The following SCN11A variants were observed in gnomAD, a reference collection of about 807,000 sequenced individuals.
The protein encoded by SCN11A is sodium voltage-gated channel alpha subunit 11.
Under a neutral mutation model 162.2 loss-of-function variants are expected in SCN11A, and 122 were observed. The observed-to-expected ratio is 0.75, with a 90% CI of 0.65 to 0.87. The LOEUF (loss-of-function observed/expected upper bound fraction) is 0.87, where lower values mean the gene tolerates loss of function less well. Ranked by LOEUF, SCN11A falls within the 40% of genes least tolerant of loss-of-function variation. The pLI, the probability that SCN11A is intolerant of heterozygous loss-of-function variation, is 0.00. For synonymous variants in SCN11A, 758 were observed against 751.5 expected (o/e 1.01, Z -0.14); for missense variants, 2,015 against 2,181.6 (o/e 0.92, Z 1.52).
Position 38,865,839 on chromosome 3 carries a change from CAAAT to C in SCN11A, c.3951+1478_3951+1481del, listed in dbSNP as rs149448920. ...AAAAGTGTGTAACCTCACTAATGAT[CAAAT>C]AAATAAATATAAAACAATGAGATAA... is the stretch of plus-strand genomic sequence containing the variant. On this transcript the variant is annotated intron_variant, in intron 27 of 29. Coordinates refer to ENST00000302328, the MANE Select transcript of SCN11A (RefSeq NM_001349253.2). Among the ~76,000 whole-genome samples the C allele has an allele frequency of 9.0e-3, 1,371 of 152,054 alleles. 27 individuals carry two copies. The highest frequency in any genetic ancestry group is 0.031 in the African/African-American group (1,297 of 41,476).
chr3:38,886,175 C>A lies in SCN11A; in HGVS notation c.2899G>T (p.Asp967Tyr), dbSNP rs776354745. 2 of 1,613,036 alleles carry A rather than the reference C, an allele frequency of 1.2e-6. No individual in the cohort carries two copies. Among genetic ancestry groups the A allele is most frequent in the African/African-American group, 1.3e-5 (1 of 75,004 alleles). Reference protein sequence around the residue: ...TSQRVQSVEIDMFSEDEPHLT... With the variant: ...TSQRVQSVEIYMFSEDEPHLT... The stretch of plus-strand genomic sequence containing the variant: ...TGAGGCTCATCTTCAGAGAACATGT[C>A]AATTTCCACACTTTGAACTCTCTGG... The change falls in exon 20 of 30, where the codon GAC becomes TAC. Residue 967 changes from aspartate to tyrosine, a missense_variant. By Grantham distance (160) the Asp-to-Tyr change is radical (BLOSUM62 -3). Transcript: ENST00000302328.
chr3:38,863,147 C>T, intron 28 of SCN11A, 48 bp downstream of exon 28: 1 of 1,102,136 alleles, frequency 9.1e-7, no homozygotes, highest in Non-Finnish European at 1.4e-6. Flanking sequence ...GAGTTCCTCA[C>T]AGTAACTCAA....
rs765543089 is a variant in SCN11A at position 38,871,515 on chromosome 3, T to C, written c.3689A>G (p.Asn1230Ser). 78 of 1,613,028 alleles carry C rather than the reference T, an allele frequency of 4.8e-5. No homozygotes were observed. Among genetic ancestry groups the C allele is most frequent in the African/African-American group, 1.6e-4 (12 of 74,890 alleles). Residue 1230 changes from asparagine (N) to serine (S), a missense_variant, in exon 25 of 30, where the codon AAT becomes AGT. Asn to Ser is a conservative substitution (Grantham distance 46, BLOSUM62 1). Transcript: ENST00000302328. ...GACTTTCTGGTTGATCCAAGAGAAA[T>C]TGCCACTTTCACATTGACTTTTATT... Reference protein sequence around the residue: ...ITNKSQCESGNFSWINQKVNF... With the variant: ...ITNKSQCESGSFSWINQKVNF...
chr3:38,850,603 T>A lies in SCN11A; in HGVS notation c.4205A>T (p.Asn1402Ile). Residue 1402 changes from asparagine to isoleucine, a missense_variant, in exon 29 of 30, where the codon AAC becomes ATC. Asn to Ile is a moderately radical substitution (Grantham distance 149). Coordinates refer to ENST00000302328, the MANE Select transcript of SCN11A (RefSeq NM_001349253.2). ...KAMKSILDHL[N>I]WVFVVIFTLE... ...CGTAAAGATGACCACAAAGACCCAGTTGAGATGGTCAAGGATGGATTTCAT... is the reference window on the plus strand; with the variant it reads ...CGTAAAGATGACCACAAAGACCCAGATGAGATGGTCAAGGATGGATTTCAT... 2 of 1,613,790 alleles carry A rather than the reference T, an allele frequency of 1.2e-6. No individual in the cohort carries two copies. Among genetic ancestry groups the A allele is most frequent in the Non-Finnish European group, 1.7e-6 (2 of 1,179,808 alleles).
chr3:38,935,299 A>G (rs1055744846), intron 7 of SCN11A, among the ~76,000 whole-genome samples: 14 of 152,158 alleles, frequency 9.2e-5, no homozygotes, highest in African/African-American at 3.4e-4. Flanking sequence ...TGACACCCTA[A>G]CATCACAATT....
Position 38,909,333 on chromosome 3 carries a change from T to C in SCN11A, c.1102-139A>G, listed in dbSNP as rs914366555. On this transcript the variant is annotated intron_variant, in intron 12 of 29. Transcript: ENST00000302328. ...TGGGCTCAGTTGACCACAGACCATA[T>C]AGCTTCCCTAATACTCCAGGGATTC... The C allele has an allele frequency of 1.5e-5, 10 of 677,228 alleles. 1 individual carries two copies. Among genetic ancestry groups the C allele is most frequent in the African/African-American group, 5.4e-5 (3 of 55,574 alleles). The allele number at this position is 677,228 out of a possible 1,614,324, so 42.0% of individuals were successfully genotyped here.
rs2065223257 is a variant in SCN11A at position 38,877,065 on chromosome 3, A to ATATATGGTGTATATACTATATATATGGTG, written c.3393+2884_3393+2885insCACCATATATATAGTATATACACCATATA. 6.9e-5 allele frequency among the ~76,000 whole-genome samples: 9 copies of ATATATGGTGTATATACTATATATATGGTG among 131,074 alleles called. 1 individual carries two copies. The highest frequency in any genetic ancestry group is 2.8e-4 in the African/African-American group (9 of 31,982). 86.0% of individuals were successfully genotyped at this position (131,074 alleles called of 152,430 possible). A position where few individuals can be genotyped will look rare whatever the true frequency, so the allele number is the denominator to read the frequency against. On this transcript the variant is annotated intron_variant, in intron 23 of 29. Transcript: ENST00000302328. The stretch of plus-strand genomic sequence containing the variant: ...ATGGTGTATATACTATATATATGGT[A>ATATATGGTGTATATACTATATATATGGTG]TATATATGGTGTATATACTATATAT...
At chr3:38,875,925 A>G (rs1430821162) in intron 23 of SCN11A, among the ~76,000 whole-genome samples, 1 of 152,130 alleles carries the variant, frequency 6.6e-6, no homozygotes, top group African/African-American at 2.4e-5. Flanking sequence ...CAAAAAGAAC[A>G]AATCTGGAGA....
Position 38,850,505 on chromosome 3 carries a change from C to G in SCN11A, c.4303G>C (p.Val1435Leu). The change falls in exon 29 of 30, where the codon GTG becomes CTG. Residue 1435 changes from valine (V) to leucine (L), a missense_variant. Coordinates refer to ENST00000302328, the MANE Select transcript of SCN11A (RefSeq NM_001349253.2). Reference protein sequence around the residue: ...FTNGWNLFDCVVVLLSIVSTM... With the variant: ...FTNGWNLFDCLVVLLSIVSTM... ...CTAACAATGGAAAGAAGCACGACCA[C>G]ACAGTCAAATAAATTCCAGCCATTG... is the stretch of plus-strand genomic sequence containing the variant. 1 of 1,613,646 alleles carries G rather than the reference C, an allele frequency of 6.2e-7. No individual in the cohort carries two copies. Among genetic ancestry groups the G allele is most frequent in the Non-Finnish European group, 8.5e-7 (1 of 1,179,764 alleles).
intron 2 of SCN11A, among the ~76,000 whole-genome samples, chr3:38,999,673 A>C (rs1019922830): frequency 1.3e-5 from 2 of 152,306 alleles, no homozygotes; most frequent in South Asian, 2.1e-4. Flanking sequence ...GCAATTTGTC[A>C]GCATAATAAT....
In SCN11A at chr3:38,909,196, T is replaced by G. The variant is rs767198611; in HGVS notation, c.1102-2A>C. On this transcript the variant is annotated splice_acceptor_variant, in intron 12 of 29. Coordinates refer to ENST00000302328, the MANE Select transcript of SCN11A (RefSeq NM_001349253.2). LOFTEE classifies it high-confidence loss of function. ...GTAGAGCCCAGTAGTACGCAGGGTC[T>G]GCAAAGGACAGAGCATGTTCTTGAA... 1.2e-6 allele frequency: 2 copies of G among 1,613,928 alleles called. No individual in the cohort carries two copies. The highest frequency in any genetic ancestry group is 3.3e-5 in the Admixed American group (2 of 59,996).
At chr3:39,027,349 A>T (rs1195971958) in intron 2 of SCN11A, among the ~76,000 whole-genome samples, 1 of 152,170 alleles carries the variant, frequency 6.6e-6, no homozygotes, top group East Asian at 1.9e-4. Flanking sequence ...GATTTGCAAA[A>T]GGATTGTTAC....
intron 2 of SCN11A, among the ~76,000 whole-genome samples, chr3:39,020,933 A>G (rs909464316): frequency 2.0e-5 from 3 of 152,214 alleles, no homozygotes; most frequent in African/African-American, 7.2e-5. Flanking sequence ...TAGTAAGGAA[A>G]GACTTTATTC....
intron 4 of SCN11A, among the ~76,000 whole-genome samples, chr3:38,951,777 T>C (rs948669695): frequency 6.6e-6 from 1 of 152,090 alleles, no homozygotes; most frequent in Non-Finnish European, 1.5e-5. Context: ...CTATACTCTG[T>C]ATCTAACTAA....
intron 19 of SCN11A, among the ~76,000 whole-genome samples, chr3:38,889,783 G>C (rs1246554927): frequency 6.7e-6 from 1 of 148,858 alleles, no homozygotes; most frequent in Non-Finnish European, 1.5e-5. Flanking sequence ...CTGGGCGACA[G>C]AGCGAGACTC....
At chr3:38,938,150 T>C (rs2066367349) in intron 7 of SCN11A, among the ~76,000 whole-genome samples, 1 of 151,954 alleles carries the variant, frequency 6.6e-6, no homozygotes, top group South Asian at 2.1e-4. Flanking sequence ...AAACACCGCA[T>C]ATTCTCACTC....
intron 5 of SCN11A, among the ~76,000 whole-genome samples, chr3:38,949,521 C>G (rs1277645063): frequency 6.6e-6 from 1 of 152,134 alleles, no homozygotes; most frequent in Non-Finnish European, 1.5e-5. Flanking sequence ...GGTTTGAGCC[C>G]TATTAGTCTC....
Position 38,950,092 on chromosome 3 carries a change from G to T in SCN11A, c.267+4C>A. 1 of 1,006,458 alleles carries T rather than the reference G, an allele frequency of 9.9e-7. No individual in the cohort carries two copies. The highest frequency in any genetic ancestry group is 1.3e-6 in the Non-Finnish European group (1 of 766,898). The allele number at this position is 1,006,458 out of a possible 1,614,324, so 62.3% of individuals were successfully genotyped here. ...CCACCCCCCCCCCCCGCCCAATGAA[G>T]TACCTTATGATTTCGGTAGAATGGG... On this transcript the variant is annotated splice_donor_region_variant and intron_variant, in intron 5 of 29. Coordinates refer to ENST00000302328, the MANE Select transcript of SCN11A (RefSeq NM_001349253.2).
At chr3:38,894,120 G>T (rs1349921794) in intron 19 of SCN11A, among the ~76,000 whole-genome samples, 1 of 151,936 alleles carries the variant, frequency 6.6e-6, no homozygotes, top group Non-Finnish European at 1.5e-5. Context: ...CCACAAGATT[G>T]GTCTCTGCAG....
Sources: allele counts gnomAD v4.1 joint callset (sites outside exome capture counted in the v4.1 genomes callset), GRCh38; gene constraint gnomAD v4.1.1; transcripts MANE v1.5; gene names NCBI Gene and HGNC (gene_info 2026-07-23, HGNC 2026-07-21).